The following COL28A1 variants were observed in gnomAD, a reference collection of about 807,000 sequenced individuals.
The protein encoded by COL28A1 is collagen type XXVIII alpha 1 chain, also known as collagen alpha-1(XXVIII) chain.
A neutral mutation model predicts 150.2 loss-of-function variants in COL28A1; 161 were observed. That is an observed-to-expected ratio of 1.07 (90% confidence interval 0.94 to 1.22). The LOEUF (loss-of-function observed/expected upper bound fraction) is 1.22. COL28A1 is among the 50% of genes most tolerant of loss of function. COL28A1 has a pLI of 0.00. For synonymous variants in COL28A1, 552 were observed against 469.7 expected, an observed-to-expected ratio of 1.18 and a Z score of -2.26; for missense variants, 1,617 against 1,388.3, an observed-to-expected ratio of 1.16 and a Z score of -2.62.
chr7:7,495,820 C>T (rs1349847667), intron 11 of COL28A1, among the ~76,000 whole-genome samples: 1 of 152,196 alleles, frequency 6.6e-6, no homozygotes, highest in East Asian at 1.9e-4. Context: ...CCCTCCATTG[C>T]TGCAGAGCAA....
At chr7:7,485,432 C>T (rs556327859) in intron 13 of COL28A1, among the ~76,000 whole-genome samples, 12 of 152,172 alleles carry the variant, frequency 7.9e-5, no homozygotes, top group African/African-American at 2.6e-4. Flanking sequence ...ATACCCTTAA[C>T]AGAGTCTTTC....
intron 27 of COL28A1, among the ~76,000 whole-genome samples, chr7:7,391,327 C>T (rs1248077858): frequency 1.3e-5 from 2 of 152,170 alleles, no homozygotes; most frequent in Non-Finnish European, 2.9e-5. Flanking sequence ...TTTGATTTCA[C>T]TGTGGTCTGA....
intron 32 of COL28A1, among the ~76,000 whole-genome samples, chr7:7,371,717 T>A (rs1781229969): frequency 6.6e-6 from 1 of 152,230 alleles, no homozygotes; most frequent in African/African-American, 2.4e-5. Context: ...AATCATAGCT[T>A]AAATTAGATC....
chr7:7,382,139 G>C (rs1021507302), intron 27 of COL28A1, among the ~76,000 whole-genome samples: 1 of 152,078 alleles, frequency 6.6e-6, no homozygotes, highest in Non-Finnish European at 1.5e-5. Flanking sequence ...GCGAAATCCT[G>C]TCTCTACTGA....
At chr7:7,495,972 G>A (rs1171395283) in intron 11 of COL28A1, among the ~76,000 whole-genome samples, 1 of 152,018 alleles carries the variant, frequency 6.6e-6, no homozygotes, top group Non-Finnish European at 1.5e-5. Context: ...GGCTTTTGTT[G>A]AATTCCTTGT....
chr7:7,350,503 TAAA>T, the COL28A1 span, among the ~76,000 whole-genome samples: 9 of 152,134 alleles, frequency 5.9e-5, no homozygotes, highest in Non-Finnish European at 1.2e-4. Context: ...TTTCTAATAG[TAAA>T]ACACATAATA....
chr7:7,445,485 C>T (rs1032313842), intron 18 of COL28A1, among the ~76,000 whole-genome samples: 20 of 152,310 alleles, frequency 1.3e-4, no homozygotes, highest in African/African-American at 4.6e-4. Flanking sequence ...TGTATTAAGG[C>T]ACTCAGTTCC....
In COL28A1 at chr7:7,373,705, C is replaced by CTT. The variant is rs35277875; in HGVS notation, c.2360-161_2360-160dup. Among the ~76,000 whole-genome samples the CTT allele has an allele frequency of 8.3e-4, 119 of 144,056 alleles. No individual in the cohort carries two copies. The highest frequency in any genetic ancestry group is 6.7e-3 in the South Asian group (31 of 4,610). 94.5% of individuals were successfully genotyped at this position (144,056 alleles called of 152,430 possible). A position where few individuals can be genotyped will look rare whatever the true frequency, so the allele number is the denominator to read the frequency against. On this transcript the variant is annotated intron_variant, in intron 31 of 34. Coordinates refer to ENST00000399429, the MANE Select transcript of COL28A1 (RefSeq NM_001037763.3). This position sits in a 1 kb window ranked among gnomAD's most constrained non-coding sequence, Gnocchi z 4.1. ...CTGACAGCTGTCTCCATTCTGGTTT[C>CTT]TTTTTTTTTTTGTGAGACAGAGTCT... is the stretch of plus-strand genomic sequence containing the variant.
At chr7:7,500,368 G>A (rs1336386496) in intron 11 of COL28A1, among the ~76,000 whole-genome samples, 1 of 152,328 alleles carries the variant, frequency 6.6e-6, no homozygotes, top group African/African-American at 2.4e-5. Context: ...GTGAATTAGT[G>A]TGCAAAGCAG....
intron 18 of COL28A1, among the ~76,000 whole-genome samples, chr7:7,445,298 G>A (rs959579897): frequency 6.6e-6 from 1 of 152,162 alleles, no homozygotes; most frequent in Admixed American, 6.5e-5. Context: ...TGTGATAAGA[G>A]AGGCAAAGAC....
intron 16 of COL28A1, among the ~76,000 whole-genome samples, chr7:7,454,349 A>G (rs958927199): frequency 6.6e-6 from 1 of 152,232 alleles, no homozygotes; most frequent in Non-Finnish European, 1.5e-5. Flanking sequence ...GAATAACTGC[A>G]TAGACAGAGG....
intron 5 of COL28A1, among the ~76,000 whole-genome samples, chr7:7,520,975 G>A (rs925310183): frequency 1.3e-5 from 2 of 152,094 alleles, no homozygotes; most frequent in African/African-American, 4.8e-5. Flanking sequence ...CCCTTGATTG[G>A]TAGGATGGTT....
At chr7:7,338,817 G>T in the COL28A1 span, among the ~76,000 whole-genome samples, 2 of 152,082 alleles carry the variant, frequency 1.3e-5, no homozygotes, top group African/African-American at 2.4e-5. Context: ...GGCTGACTTT[G>T]TGACTTGCTT....
At chr7:7,415,631 T>C (rs1256425740) in intron 27 of COL28A1, among the ~76,000 whole-genome samples, 1 of 152,168 alleles carries the variant, frequency 6.6e-6, no homozygotes, top group African/African-American at 2.4e-5. Flanking sequence ...CCTCCAGGAT[T>C]CAAGCGATTC....
At position 7,382,703 on chromosome 7, in the gene COL28A1, G is replaced by T. The variant is rs535045229; in HGVS notation, c.2137-1091C>A. Among the ~76,000 whole-genome samples, 5 of 152,254 alleles carry T rather than the reference G, an allele frequency of 3.3e-5. No homozygotes were observed. In the South Asian group the frequency reaches 1.0e-3, roughly 32 times the overall value. On this transcript the variant is annotated intron_variant, in intron 27 of 34. Transcript: ENST00000399429. ...ACGGGCTCCTCGGGATTGATCTGTGGTTTTCAAAACTATCCTGATCATCCC... is the reference window on the plus strand; with the variant it reads ...ACGGGCTCCTCGGGATTGATCTGTGTTTTTCAAAACTATCCTGATCATCCC...
intron 15 of COL28A1, among the ~76,000 whole-genome samples, chr7:7,462,965 G>A (rs1239541098): frequency 1.3e-5 from 2 of 151,762 alleles, no homozygotes; most frequent in African/African-American, 4.8e-5. Context: ...CAAAGACAAG[G>A]TTTTTTAATT....
chr7:7,383,314 T>C (rs1781988401), intron 27 of COL28A1, among the ~76,000 whole-genome samples: 1 of 150,662 alleles, frequency 6.6e-6, no homozygotes, highest in African/African-American at 2.5e-5. Context: ...AGTCTCACTC[T>C]GTCAACCAGG....
intron 15 of COL28A1, among the ~76,000 whole-genome samples, chr7:7,472,636 A>T (rs981962391): frequency 2.0e-5 from 3 of 152,196 alleles, no homozygotes; most frequent in African/African-American, 7.2e-5. Context: ...TCCCATCAGA[A>T]TACCATCATC....
intron 8 of COL28A1, among the ~76,000 whole-genome samples, chr7:7,512,844 TCTG>T (rs930364506): frequency 6.6e-6 from 1 of 152,248 alleles, no homozygotes; most frequent in African/African-American, 2.4e-5. Flanking sequence ...AACACTAGCT[TCTG>T]CTGCTGCTTC....
Sources: allele counts gnomAD v4.1 joint callset (sites outside exome capture counted in the v4.1 genomes callset), GRCh38; gene constraint gnomAD v4.1.1; non-coding constraint Gnocchi (gnomAD v3.1); transcripts MANE v1.5; gene names NCBI Gene and HGNC (gene_info 2026-07-23, HGNC 2026-07-21).